The following RABGAP1 variants were observed in gnomAD, a reference collection of about 807,000 sequenced individuals.
RABGAP1 encodes the protein rab GTPase-activating protein 1.
In RABGAP1, 23 loss-of-function variants were observed where a neutral mutation model predicts 137.6. That is an observed-to-expected ratio of 0.17 (90% confidence interval 0.12 to 0.24). The LOEUF is 0.24. RABGAP1 is among the 10% of genes least tolerant of loss of function. The pLI, the probability that RABGAP1 is intolerant of heterozygous loss-of-function variation, is 1.00. For missense variants in RABGAP1, 906 were observed against 1,275.8 expected (o/e 0.71, Z 4.42); for synonymous variants, 451 against 450.7 (o/e 1.00, Z -0.01).
At chr9:122,979,312 G>A (rs1165018621) in intron 2 of RABGAP1, among the ~76,000 whole-genome samples, 1 of 152,146 alleles carries the variant, frequency 6.6e-6, no homozygotes, top group African/African-American at 2.4e-5. Context: ...TATCTTTGGT[G>A]AAATGCCCTT....
chr9:122,945,147 C>CTT lies in RABGAP1; in HGVS notation c.-50+4069_-50+4070dup, dbSNP rs202090815. On this transcript the variant is annotated intron_variant, in intron 1 of 25. Coordinates refer to ENST00000373647, the MANE Select transcript of RABGAP1 (RefSeq NM_012197.4). ...CACCATGTATACATCATAGCTGTTG[C>CTT]TTTTTTTTTTTTTTTTAGCATAAAC... Among the ~76,000 whole-genome samples the CTT allele has an allele frequency of 2.5e-4, 19 of 75,772 alleles. 3 individuals are homozygous for CTT. Among genetic ancestry groups the CTT allele is most frequent in the Non-Finnish European group, 4.9e-4 (17 of 34,992 alleles). The allele number at this position is 75,772 out of a possible 152,430, so 49.7% of individuals were successfully genotyped here.
intron 10 of RABGAP1, among the ~76,000 whole-genome samples, chr9:123,008,166 T>C (rs1488675885): frequency 1.3e-5 from 2 of 152,192 alleles, no homozygotes; most frequent in Non-Finnish European, 2.9e-5. Context: ...AGTAATTGAC[T>C]GTATTTATCT....
intron 4 of RABGAP1, 114 bp from the exon 5 acceptor site, chr9:122,989,183 C>T (rs56034648): frequency 0.02 from 19,906 of 978,970 alleles, 379 homozygotes; most frequent in South Asian, 0.063. Flanking sequence ...TTAATATCAG[C>T]ATACCAAATA....
chr9:123,048,038 C>T (rs1236402176), intron 13 of RABGAP1, among the ~76,000 whole-genome samples: 1 of 144,484 alleles, frequency 6.9e-6, no homozygotes, highest in Non-Finnish European at 1.5e-5. Flanking sequence ...CTCCCAGGTT[C>T]AAGCGATTCT....
the RABGAP1 span, among the ~76,000 whole-genome samples, chr9:122,933,416 T>C: frequency 6.6e-6 from 1 of 150,640 alleles, no homozygotes; most frequent in South Asian, 2.1e-4. Flanking sequence ...AGTAACTATT[T>C]GCATGTTATA....
chr9:123,101,164 A>G (rs2035334038), intron 24 of RABGAP1, among the ~76,000 whole-genome samples: 1 of 152,150 alleles, frequency 6.6e-6, no homozygotes, highest in African/African-American at 2.4e-5. Context: ...TTCCTCAAAA[A>G]CCTTTTAGAG....
At chr9:123,010,227 C>A in intron 10 of RABGAP1, 127 bp from the exon 11 acceptor site, 1 of 777,582 alleles carries the variant, frequency 1.3e-6, no homozygotes, top group Non-Finnish European at 1.9e-6. Flanking sequence ...TTTTCACATC[C>A]TGTATGAAAT....
chr9:122,944,974 C>G (rs1320934245), intron 1 of RABGAP1, among the ~76,000 whole-genome samples: 1 of 151,710 alleles, frequency 6.6e-6, no homozygotes, highest in East Asian at 1.9e-4. Context: ...TTAAGAAGTG[C>G]TCATTTAAGG....
intron 19 of RABGAP1, among the ~76,000 whole-genome samples, chr9:123,082,442 C>A (rs1053300980): frequency 6.6e-6 from 1 of 152,186 alleles, no homozygotes; most frequent in South Asian, 2.1e-4. Context: ...TACAACTGCA[C>A]CTTGCATAGT....
chr9:123,076,438 A>G, intron 18 of RABGAP1, 152 bp downstream of exon 18: 1 of 1,136,220 alleles, frequency 8.8e-7, no homozygotes, highest in Non-Finnish European at 1.2e-6. Flanking sequence ...GCGAAGAAAT[A>G]TCTTCTGGGG....
chr9:122,999,732 A>G lies in RABGAP1; in HGVS notation c.1374+966A>G, dbSNP rs551918413. Among the ~76,000 whole-genome samples the G allele has an allele frequency of 1.3e-4, 20 of 150,838 alleles. No homozygotes were observed. In the East Asian group the frequency reaches 3.5e-3, roughly 26 times the overall value. Reference sequence around the variant, plus strand: ...TTTTTAAATTTTTTTTTTTTTAACCAGATTTGGGGGAAATCTGGCCCATTA... The same window carrying G: ...TTTTTAAATTTTTTTTTTTTTAACCGGATTTGGGGGAAATCTGGCCCATTA... On this transcript the variant is annotated intron_variant, in intron 10 of 25. Coordinates refer to ENST00000373647, the MANE Select transcript of RABGAP1 (RefSeq NM_012197.4).
intron 13 of RABGAP1, among the ~76,000 whole-genome samples, chr9:123,065,116 A>G (rs2034126591): frequency 6.6e-6 from 1 of 152,188 alleles, no homozygotes; most frequent in Non-Finnish European, 1.5e-5. Flanking sequence ...GGAGTATAAT[A>G]TGGAAGTGTA....
intron 2 of RABGAP1, among the ~76,000 whole-genome samples, chr9:122,960,363 C>G (rs1834786548): frequency 6.6e-6 from 1 of 152,188 alleles, no homozygotes; most frequent in Non-Finnish European, 1.5e-5. Context: ...TAGTTGTGGT[C>G]AGAGAAACCA....
At chr9:123,056,444 C>G (rs1044109271) in intron 13 of RABGAP1, among the ~76,000 whole-genome samples, 1 of 150,006 alleles carries the variant, frequency 6.7e-6, no homozygotes, top group Non-Finnish European at 1.5e-5. Context: ...CAGGGCCACT[C>G]AAAATCCAAA....
Position 122,984,598 on chromosome 9 carries a change from G to A in RABGAP1, c.264G>A (p.Leu88=), listed in dbSNP as rs1836267587. Residue 88 remains leucine (L), a synonymous_variant, in exon 3 of 26, where the codon CTG becomes CTA. Coordinates refer to ENST00000373647, the MANE Select transcript of RABGAP1 (RefSeq NM_012197.4). ...GEKELVKRSQ[L]DGEGDGPLSN... is the part of the protein sequence containing the mutation. ...AGGAGCTTGTGAAAAGGTCACAACT[G>A]GATGGTGAAGGAGATGGGCCTCTTT... 1 of 1,614,172 alleles carries A rather than the reference G, an allele frequency of 6.2e-7. No homozygotes were observed. Among genetic ancestry groups the A allele is most frequent in the Non-Finnish European group, 8.5e-7 (1 of 1,180,024 alleles).
At chr9:123,004,588 C>T (rs2030044233) in intron 10 of RABGAP1, among the ~76,000 whole-genome samples, 1 of 152,078 alleles carries the variant, frequency 6.6e-6, no homozygotes, top group Non-Finnish European at 1.5e-5. Context: ...CAGCCAATAA[C>T]TAATTAACTA....
In RABGAP1 at chr9:122,989,501, A is replaced by G. The variant is rs568914673; in HGVS notation, c.765+30A>G. On this transcript the variant is annotated intron_variant, in intron 5 of 25. Transcript: ENST00000373647. ...GTCCTCAAGAGAAAACTCTCTGCAA[A>G]TGAAACTTCACCAGTGCCCTCACTA... 3 of 1,603,358 alleles carry G rather than the reference A, an allele frequency of 1.9e-6. No homozygotes were observed. The East Asian group carries it at 6.7e-5, about 36-fold the overall frequency.
chr9:122,970,312 T>C (rs1203901032), intron 2 of RABGAP1, among the ~76,000 whole-genome samples: 2 of 152,144 alleles, frequency 1.3e-5, no homozygotes, highest in Non-Finnish European at 1.5e-5. Flanking sequence ...TGTGTACCTG[T>C]AGTTCCAGCT....
At chr9:123,048,841 C>T (rs2033334173) in intron 13 of RABGAP1, among the ~76,000 whole-genome samples, 1 of 152,168 alleles carries the variant, frequency 6.6e-6, no homozygotes, top group Non-Finnish European at 1.5e-5. Context: ...GGAGAATCAA[C>T]AATAGCAAAC....
Sources: allele counts gnomAD v4.1 joint callset (sites outside exome capture counted in the v4.1 genomes callset), GRCh38; gene constraint gnomAD v4.1.1; transcripts MANE v1.5; gene names NCBI Gene and HGNC (gene_info 2026-07-23, HGNC 2026-07-21).